Variants in HSD17B4 observed in about 807,000 individuals in gnomAD.
The protein encoded by HSD17B4 is hydroxysteroid 17-beta dehydrogenase 4, also known as peroxisomal multifunctional enzyme type 2.
HSD17B4 carries 70 observed loss-of-function variants against 101.0 expected under a neutral mutation model. The ratio of observed to expected loss-of-function variants is 0.69; its 90% CI spans 0.57 to 0.85. The LOEUF (loss-of-function observed/expected upper bound fraction) is 0.85, where lower values mean the gene tolerates loss of function less well. Among genes scored for constraint, HSD17B4 ranks in the 40% least tolerant of loss-of-function variants. HSD17B4 has a pLI of 0.00. For synonymous variants in HSD17B4, 347 were observed against 297.1 expected (o/e 1.17, Z -1.73); for missense variants, 984 against 892.4 (o/e 1.10, Z -1.31).
chr5:119,481,810 A>G (rs1749162222), intron 8 of HSD17B4, among the ~76,000 whole-genome samples: 1 of 152,164 alleles, frequency 6.6e-6, no homozygotes, highest in Admixed American at 6.5e-5. Context: ...ATATAATAAA[A>G]TGAGATATGC....
chr5:119,494,366 T>TTTCTTTC (rs1288939409), intron 11 of HSD17B4, among the ~76,000 whole-genome samples: 1 of 150,978 alleles, frequency 6.6e-6, no homozygotes, highest in Non-Finnish European at 1.5e-5. Flanking sequence ...TCTTTCTTTC[T>TTTCTTTC]TTCTTTCTTT....
At chr5:119,479,121 T>C (rs1267199143) in intron 8 of HSD17B4, 100 bp downstream of exon 8, 19 of 911,642 alleles carry the variant, frequency 2.1e-5, no homozygotes, top group Non-Finnish European at 3.1e-5. Flanking sequence ...TAAAAATTAT[T>C]ATTTTTTTCA....
intron 14 of HSD17B4, among the ~76,000 whole-genome samples, chr5:119,505,025 A>G (rs868360230): frequency 3.9e-5 from 6 of 152,136 alleles, no homozygotes; most frequent in Middle Eastern, 3.4e-3. Flanking sequence ...CCCATTCCCT[A>G]TATTTGTCAA....
At chr5:119,514,441 C>A (rs1209710168) in intron 16 of HSD17B4, among the ~76,000 whole-genome samples, 1 of 152,158 alleles carries the variant, frequency 6.6e-6, no homozygotes, top group Non-Finnish European at 1.5e-5. Flanking sequence ...TGGTTTAAAT[C>A]AACCCTAAAC....
intron 7 of HSD17B4, among the ~76,000 whole-genome samples, chr5:119,478,405 C>G (rs1413280775): frequency 2.0e-5 from 3 of 152,020 alleles, no homozygotes; most frequent in Non-Finnish European, 4.4e-5. Context: ...TTTTACTTAG[C>G]CTAAGTAGAG....
chr5:119,471,627 T>C, intron 2 of HSD17B4: 1 of 1,268,418 alleles, frequency 7.9e-7, no homozygotes, highest in Non-Finnish European at 1.0e-6. Flanking sequence ...AACTTTTTTA[T>C]TGTTACAGCT....
intron 8 of HSD17B4, among the ~76,000 whole-genome samples, chr5:119,485,491 T>C (rs1311242884): frequency 6.6e-6 from 1 of 152,216 alleles, no homozygotes. Context: ...TTTCCTTTAA[T>C]TTTGGGACTA....
intron 8 of HSD17B4, among the ~76,000 whole-genome samples, chr5:119,485,297 A>G (rs1749518004): frequency 6.6e-6 from 1 of 152,158 alleles, no homozygotes. Context: ...CTTTGGGAAT[A>G]TGGTATCATT....
At chr5:119,517,350 G>A (rs1271923049) in intron 17 of HSD17B4, among the ~76,000 whole-genome samples, 1 of 152,232 alleles carries the variant, frequency 6.6e-6, no homozygotes, top group African/African-American at 2.4e-5. Flanking sequence ...CGCAGGGCAG[G>A]GCTCGGGACC....
chr5:119,500,416 T>C (rs1286315947), intron 13 of HSD17B4, among the ~76,000 whole-genome samples: 6 of 152,150 alleles, frequency 3.9e-5, no homozygotes, highest in Non-Finnish European at 8.8e-5. Context: ...ATAGTGTATT[T>C]AATATGTATA....
At chr5:119,474,146 G>A (rs1482006600) in intron 3 of HSD17B4, 131 bp downstream of exon 3, 4 of 698,508 alleles carry the variant, frequency 5.7e-6, no homozygotes, top group Non-Finnish European at 7.7e-6. Flanking sequence ...AAAGTTTTCT[G>A]ACTACATATT....
At chr5:119,519,686 G>A (rs1437180376) in intron 17 of HSD17B4, among the ~76,000 whole-genome samples, 1 of 152,162 alleles carries the variant, frequency 6.6e-6, no homozygotes, top group Non-Finnish European at 1.5e-5. Context: ...ATTTCCTGGA[G>A]TATTCTTTCT....
intron 16 of HSD17B4, among the ~76,000 whole-genome samples, chr5:119,512,181 T>C (rs1752236974): frequency 1.3e-5 from 2 of 151,476 alleles, no homozygotes; most frequent in East Asian, 3.9e-4. Flanking sequence ...AGAACCACAG[T>C]GAAGAAAAGG....
chr5:119,507,860 G>A (rs1751803872), intron 15 of HSD17B4, among the ~76,000 whole-genome samples: 1 of 151,728 alleles, frequency 6.6e-6, no homozygotes, highest in Non-Finnish European at 1.5e-5. Flanking sequence ...AAATTTGTAA[G>A]TTTTAAAGTT....
Position 119,509,208 on chromosome 5 carries a change from A to G in HSD17B4, c.1401A>G (p.Gly467=). ...NQFSLFLVGS[G]GFGGKRTSDK... ...TCTCTCTCTTTCTTGTTGGCTCTGG[A>G]GGCTTTGGTGGAAAACGGACATCAG... Residue 467 remains glycine (G), a synonymous_variant, in exon 16 of 24, where the codon GGA becomes GGG. Transcript: ENST00000510025. The G allele has an allele frequency of 6.2e-7, 1 of 1,610,516 alleles. No individual in the cohort carries two copies. Among genetic ancestry groups the G allele is most frequent in the Non-Finnish European group, 8.5e-7 (1 of 1,176,858 alleles).
chr5:119,473,838 C>CCACACA lies in HSD17B4; in HGVS notation c.113-57_113-52dup, dbSNP rs10601221. On this transcript the variant is annotated intron_variant, in intron 2 of 23. Coordinates refer to ENST00000510025, the MANE Select transcript of HSD17B4 (RefSeq NM_000414.4). ...GTGCTAGTAATTAGAATTTCATTTTCCACACACACACACACACATTTTGAA... is the reference window on the plus strand; with the variant it reads ...GTGCTAGTAATTAGAATTTCATTTTCCACACACACACACACACACACACATTTTGAA... 8.8e-5 allele frequency: 75 copies of CCACACA among 849,736 alleles called. No individual in the cohort carries two copies. The African/African-American group carries it at 1.0e-3, about 12-fold the overall frequency. The allele number at this position is 849,736 out of a possible 1,614,324, so 52.6% of individuals were successfully genotyped here.
chr5:119,527,392 CACTT>C (rs1753702000), intron 20 of HSD17B4, among the ~76,000 whole-genome samples, 173 bp downstream of exon 20: 1 of 151,820 alleles, frequency 6.6e-6, no homozygotes, highest in African/African-American at 2.4e-5. Flanking sequence ...TATCAGGCAA[CACTT>C]AATAAAATAG....
intron 8 of HSD17B4, among the ~76,000 whole-genome samples, chr5:119,480,806 C>A (rs1049533674): frequency 6.6e-6 from 1 of 152,142 alleles, no homozygotes; most frequent in Non-Finnish European, 1.5e-5. Flanking sequence ...CCCGGGGGGG[C>A]CAGTTCAGAG....
intron 2 of HSD17B4, among the ~76,000 whole-genome samples, chr5:119,469,500 T>A (rs1756144801): frequency 6.6e-6 from 1 of 152,050 alleles, no homozygotes; most frequent in African/African-American, 2.4e-5. Context: ...ACTACAGGTG[T>A]CCACCACCAC....
Sources: allele counts gnomAD v4.1 joint callset (sites outside exome capture counted in the v4.1 genomes callset), GRCh38; gene constraint gnomAD v4.1.1; transcripts MANE v1.5; gene names NCBI Gene and HGNC (gene_info 2026-07-23, HGNC 2026-07-21).